Variants in DOCK11 observed in about 807,000 individuals in gnomAD.
DOCK11 encodes dedicator of cytokinesis protein 11.
DOCK11 carries 70 observed loss-of-function variants against 169.1 expected under a neutral mutation model. The ratio of observed to expected loss-of-function variants is 0.41; its 90% confidence interval spans 0.34 to 0.51. The LOEUF (loss-of-function observed/expected upper bound fraction) is 0.51, where lower values mean the gene tolerates loss of function less well. DOCK11 is among the 20% of genes least tolerant of loss of function. The probability of loss-of-function intolerance (pLI) is 0.10; values close to 1 mark genes in which losing one functional copy is unlikely to be tolerated. For synonymous variants in DOCK11, 529 were observed against 541.3 expected (o/e 0.98, Z 0.32); for missense variants, 1,166 against 1,538.8 (o/e 0.76, Z 4.05).
intron 1 of DOCK11, among the ~76,000 whole-genome samples, chrX:118,517,061 T>G (rs1383944029): frequency 4.5e-5 from 5 of 111,712 alleles, no homozygotes. Flanking sequence ...ATAACATATG[T>G]TTATATATAA....
chrX:118,684,456 G>T (rs2016816242), intron 52 of DOCK11, among the ~76,000 whole-genome samples: 2 of 108,365 alleles, frequency 1.8e-5, no homozygotes, highest in African/African-American at 6.7e-5. Flanking sequence ...TGTATTTTTA[G>T]TAGAGATGGG....
At chrX:118,665,206 G>C (rs1377866304) in intron 45 of DOCK11, among the ~76,000 whole-genome samples, 1 of 112,373 alleles carries the variant, frequency 8.9e-6, no homozygotes, top group Non-Finnish European at 1.9e-5. Context: ...GCAAGTTGGT[G>C]TCCTTTTACC....
chrX:118,605,024 G>C (rs1419983990), intron 23 of DOCK11, among the ~76,000 whole-genome samples: 1 of 112,013 alleles, frequency 8.9e-6, no homozygotes, highest in East Asian at 2.8e-4. Context: ...CTTTAGTAAA[G>C]TGTTTAATGT....
intron 26 of DOCK11, among the ~76,000 whole-genome samples, chrX:118,608,964 C>T (rs896159285): frequency 1.4e-4 from 16 of 111,212 alleles, no homozygotes; most frequent in African/African-American, 4.9e-4. Context: ...CATTTAAAAG[C>T]GGTAACAAGA....
chrX:118,510,010 A>G (rs773384681), intron 1 of DOCK11, among the ~76,000 whole-genome samples: 1 of 111,727 alleles, frequency 9.0e-6, no homozygotes, highest in Non-Finnish European at 1.9e-5. Context: ...TTTCACTTAT[A>G]AGGACCTTGG....
At chrX:118,631,281 C>T (rs975672409) in intron 35 of DOCK11, among the ~76,000 whole-genome samples, 8 of 109,919 alleles carry the variant, frequency 7.3e-5, no homozygotes, top group African/African-American at 2.6e-4. Flanking sequence ...GTAATTATTT[C>T]GTTTTAAATA....
intron 4 of DOCK11, among the ~76,000 whole-genome samples, chrX:118,543,811 G>T (rs1229650971): frequency 9.0e-6 from 1 of 111,515 alleles, no homozygotes; most frequent in Non-Finnish European, 1.9e-5. Context: ...TTAGCCGGGC[G>T]TGGTGGCAGG....
At position 118,624,606 on chromosome X, in the gene DOCK11, G is replaced by A. The variant is rs769063811; in HGVS notation, c.3539G>A (p.Arg1180Gln). The A allele has an allele frequency of 3.1e-5, 38 of 1,206,914 alleles. No homozygotes were observed. Among genetic ancestry groups the A allele is most frequent in the South Asian group, 1.2e-4 (7 of 56,618 alleles). ...FVGLLLENIQ[R>Q]LAGRDTLYSC... ...GGACTACTTTTGGAAAATATACAGC[G>A]ATTAGCAGGTCGAGATACCTTGTAT... The change falls in exon 32 of 53, where the codon CGA becomes CAA. Residue 1180 changes from arginine (R) to glutamine (Q), a missense_variant. By Grantham distance (43) the Arg-to-Gln change is conservative. Transcript: ENST00000276202.
At chrX:118,544,645 C>CTTTTGTTTTTTTTTTTT (rs2012173840) in intron 4 of DOCK11, among the ~76,000 whole-genome samples, 2 of 23,343 alleles carry the variant, frequency 8.6e-5, no homozygotes, top group Non-Finnish European at 1.4e-4. Context: ...TACACTGTTG[C>CTTTTGTTTTTTTTTTTT]TTTTTTTTTT....
chrX:118,596,586 A>C lies in DOCK11; in HGVS notation c.2264-845A>C, dbSNP rs759873054. 7.1e-5 allele frequency among the ~76,000 whole-genome samples: 8 copies of C among 112,145 alleles called. No homozygotes were observed. In the South Asian group the frequency reaches 2.9e-3, roughly 41 times the overall value. On this transcript the variant is annotated intron_variant, in intron 20 of 52. Coordinates refer to ENST00000276202, the MANE Select transcript of DOCK11 (RefSeq NM_144658.4). ...CTCAGTCCAGAGCAAGCTTTTTTAC[A>C]GCTGAGTTATAAACACTTGAATCCC...
chrX:118,640,751 C>T (rs1000724067), intron 38 of DOCK11, among the ~76,000 whole-genome samples: 1 of 112,005 alleles, frequency 8.9e-6, no homozygotes, highest in East Asian at 2.8e-4. Flanking sequence ...AATTGATTAA[C>T]CCAGACTATA....
rs761898971 is a variant in DOCK11 at position 118,615,657 on chromosome X, A to G, written c.3238A>G (p.Ile1080Val). 1 of 1,210,919 alleles carries G rather than the reference A, an allele frequency of 8.3e-7. No homozygotes were observed. The highest frequency in any genetic ancestry group is 3.0e-5 in the East Asian group (1 of 33,816). Residue 1080 changes from isoleucine to valine, a missense_variant, in exon 30 of 53, where the codon ATT becomes GTT. Coordinates refer to ENST00000276202, the MANE Select transcript of DOCK11 (RefSeq NM_144658.4). ...LQTICNHEHY[I>V]PLNLPMAFAK... ...AACAATTTGCAATCACGAACATTACATTCCTCTGAACTTGCCAATGGCATT... is the reference window on the plus strand; with the variant it reads ...AACAATTTGCAATCACGAACATTACGTTCCTCTGAACTTGCCAATGGCATT...
At chrX:118,619,195 C>T (rs185425295) in intron 31 of DOCK11, among the ~76,000 whole-genome samples, 1,439 of 108,181 alleles carry the variant, frequency 0.013, 30 homozygotes, top group African/African-American at 0.046. Flanking sequence ...CATTTGGGAC[C>T]GGGAGCAGTG....
chrX:118,648,974 A>G lies in DOCK11; in HGVS notation c.4428A>G (p.Val1476=), dbSNP rs775361557. ...CTTCAGCATTTTTCAAAGGAAGAGT[A>G]AACATGTGTGCTGCATTTTGCTATG... ...KFPSAFFKGR[V]NMCAAFCYEV... is the part of the protein sequence containing the mutation. The change falls in exon 41 of 53, where the codon GTA becomes GTG. Residue 1476 remains valine, a synonymous_variant. Coordinates refer to ENST00000276202, the MANE Select transcript of DOCK11 (RefSeq NM_144658.4). 2 of 1,194,471 alleles carry G rather than the reference A, an allele frequency of 1.7e-6. No homozygotes were observed. Among genetic ancestry groups the G allele is most frequent in the Non-Finnish European group, 2.2e-6 (2 of 888,904 alleles).
chrX:118,519,337 C>T (rs1603027585), intron 1 of DOCK11, among the ~76,000 whole-genome samples: 1 of 111,851 alleles, frequency 8.9e-6, no homozygotes, highest in African/African-American at 3.2e-5. Context: ...CACTTGAGGT[C>T]AGGAGTTTGA....
chrX:118,647,716 A>G (rs1427329845), intron 40 of DOCK11, among the ~76,000 whole-genome samples: 8 of 55,941 alleles, frequency 1.4e-4, no homozygotes, highest in African/African-American at 6.0e-4. Flanking sequence ...ATAATATAAT[A>G]TATAATAATT....
chrX:118,610,736 G>T (rs1271732700), intron 28 of DOCK11, among the ~76,000 whole-genome samples: 1 of 111,683 alleles, frequency 9.0e-6, no homozygotes, highest in African/African-American at 3.3e-5. Context: ...TCTATATGGC[G>T]ATTCAAAAAT....
intron 1 of DOCK11, among the ~76,000 whole-genome samples, chrX:118,500,900 C>T (rs189332936): frequency 0.011 from 1,263 of 111,686 alleles, 20 homozygotes; most frequent in African/African-American, 0.039. Flanking sequence ...ACCTTGGCCT[C>T]TCAAAGTGCT....
intron 1 of DOCK11, among the ~76,000 whole-genome samples, chrX:118,530,211 A>T (rs1439042225): frequency 1.8e-5 from 2 of 113,008 alleles, no homozygotes; most frequent in Admixed American, 1.9e-4. Context: ...TCACATAAGC[A>T]GAGTCCTCAC....
Sources: gnomAD v4.1 joint callset for allele counts (sites outside exome capture counted in the v4.1 genomes callset) on GRCh38, gnomAD v4.1.1 for gene constraint, MANE v1.5 for transcripts, NCBI Gene and HGNC (gene_info 2026-07-23, HGNC 2026-07-21) for gene names.